Variants in ANO2 observed in about 807,000 individuals in gnomAD.
The protein encoded by ANO2 is anoctamin 2, also known as anoctamin-2.
ANO2 carries 101 observed loss-of-function variants against 124.2 expected under a neutral mutation model. The ratio of observed to expected loss-of-function variants is 0.81; its 90% CI spans 0.69 to 0.96. The LOEUF (loss-of-function observed/expected upper bound fraction) is 0.96, where lower values mean the gene tolerates loss of function less well. ANO2 is among the 40% of genes least tolerant of loss of function. The pLI is 0.00. For synonymous variants in ANO2, 486 were observed against 482.5 expected, an observed-to-expected ratio of 1.01 and a Z score of -0.09; for missense variants, 1,293 against 1,274.5, an observed-to-expected ratio of 1.01 and a Z score of -0.22.
chr12:5,820,894 C>T (rs1161070179), intron 7 of ANO2, among the ~76,000 whole-genome samples: 7 of 152,222 alleles, frequency 4.6e-5, no homozygotes, highest in Admixed American at 2.6e-4. Flanking sequence ...ACCTGGTATG[C>T]AGCCACTGAC....
intron 14 of ANO2, among the ~76,000 whole-genome samples, chr12:5,725,729 A>C (rs991673917): frequency 6.6e-6 from 1 of 152,020 alleles, no homozygotes; most frequent in Admixed American, 6.6e-5. Flanking sequence ...CTGTCCTTGC[A>C]GCCCTAAGGT....
intron 20 of ANO2, among the ~76,000 whole-genome samples, chr12:5,595,169 T>C (rs1384121096): frequency 2.6e-5 from 4 of 152,160 alleles, no homozygotes; most frequent in Non-Finnish European, 5.9e-5. Flanking sequence ...CCCTCATCTT[T>C]GTGTATCAGA....
chr12:5,894,783 C>G (rs893442329), intron 3 of ANO2, among the ~76,000 whole-genome samples: 1 of 152,160 alleles, frequency 6.6e-6, no homozygotes, highest in Non-Finnish European at 1.5e-5. Context: ...TCAGGTTTGT[C>G]AAAGACCAGA....
intron 14 of ANO2, among the ~76,000 whole-genome samples, chr12:5,725,085 C>T (rs1950382372): frequency 1.8e-5 from 2 of 111,722 alleles, no homozygotes; most frequent in Non-Finnish European, 3.6e-5. Flanking sequence ...GGTCCCTCTC[C>T]TTGTCTCCCT....
intron 10 of ANO2, among the ~76,000 whole-genome samples, chr12:5,799,026 G>C (rs1217268573): frequency 6.6e-6 from 1 of 152,218 alleles, no homozygotes; most frequent in Admixed American, 6.5e-5. Context: ...CCAGGGCCTA[G>C]TCTCTCCTCC....
At chr12:5,827,910 G>C in intron 6 of ANO2, 90 bp from the exon 7 acceptor site, 1 of 1,431,632 alleles carries the variant, frequency 7.0e-7, no homozygotes, top group African/African-American at 1.4e-5. Flanking sequence ...GCAGGGGCGG[G>C]AGGCGCCCGG....
chr12:5,752,694 T>C (rs975476808), intron 10 of ANO2, among the ~76,000 whole-genome samples: 111 of 152,346 alleles, frequency 7.3e-4, no homozygotes, highest in African/African-American at 2.5e-3. Context: ...ACTCTGTTGA[T>C]TGTTTCCTTT....
chr12:5,602,424 T>A (rs1943987374), intron 19 of ANO2, among the ~76,000 whole-genome samples: 1 of 151,782 alleles, frequency 6.6e-6, no homozygotes, highest in African/African-American at 2.4e-5. Context: ...CTAATATTTT[T>A]TGTATTTTTA....
intron 19 of ANO2, 86 bp from the exon 20 acceptor site, chr12:5,599,715 G>A (rs980780875): frequency 1.4e-5 from 20 of 1,428,360 alleles, no homozygotes; most frequent in Admixed American, 2.3e-5. Flanking sequence ...GAACACAAAA[G>A]TTTTGACACT....
chr12:5,751,245 C>G (rs1277995787), intron 10 of ANO2, among the ~76,000 whole-genome samples: 3 of 152,292 alleles, frequency 2.0e-5, no homozygotes, highest in South Asian at 2.1e-4. Context: ...AAGAATCCAG[C>G]CCCAACAGCA....
chr12:5,624,313 A>T (rs1224655143), intron 16 of ANO2, among the ~76,000 whole-genome samples: 1 of 152,184 alleles, frequency 6.6e-6, no homozygotes, highest in Admixed American at 6.5e-5. Context: ...GTATTCTGTT[A>T]TAGGCCAATC....
intron 14 of ANO2, among the ~76,000 whole-genome samples, chr12:5,666,290 C>A (rs1436078263): frequency 6.6e-6 from 1 of 152,212 alleles, no homozygotes; most frequent in Non-Finnish European, 1.5e-5. Context: ...CTTTCCCACC[C>A]ATCTTTGTTC....
At chr12:5,720,398 G>A (rs949635027) in intron 14 of ANO2, among the ~76,000 whole-genome samples, 3 of 152,176 alleles carry the variant, frequency 2.0e-5, no homozygotes, top group African/African-American at 7.2e-5. Flanking sequence ...GGAACCTGGA[G>A]GGCATGTGTG....
chr12:5,778,259 G>C (rs576198122), intron 10 of ANO2, among the ~76,000 whole-genome samples: 1 of 152,270 alleles, frequency 6.6e-6, no homozygotes, highest in Admixed American at 6.5e-5. Context: ...TATAGATGAG[G>C]ACTGAGAAAA....
chr12:5,696,339 T>C (rs984492581), intron 14 of ANO2, among the ~76,000 whole-genome samples: 4 of 152,178 alleles, frequency 2.6e-5, no homozygotes, highest in African/African-American at 9.6e-5. Flanking sequence ...AGCAAAGATG[T>C]AGCAATTCTT....
intron 3 of ANO2, among the ~76,000 whole-genome samples, chr12:5,884,261 T>C (rs1043040214): frequency 1.3e-5 from 2 of 152,166 alleles, no homozygotes; most frequent in African/African-American, 4.8e-5. Flanking sequence ...GAGGATGAAA[T>C]TACTAGCCTC....
chr12:5,698,471 G>A (rs1018871567), intron 14 of ANO2, among the ~76,000 whole-genome samples: 1 of 152,160 alleles, frequency 6.6e-6, no homozygotes, highest in Non-Finnish European at 1.5e-5. Context: ...AAGACCAAAG[G>A]TAGATAAAAC....
chr12:5,826,326 G>A (rs1014975182), intron 7 of ANO2, among the ~76,000 whole-genome samples: 4 of 152,040 alleles, frequency 2.6e-5, no homozygotes, highest in Non-Finnish European at 5.9e-5. Flanking sequence ...TTAATACTGA[G>A]TGTCGACTTG....
intron 10 of ANO2, among the ~76,000 whole-genome samples, chr12:5,791,949 T>C (rs1180534970): frequency 1.3e-5 from 2 of 152,182 alleles, no homozygotes; most frequent in African/African-American, 4.8e-5. Flanking sequence ...TTTATTTGTA[T>C]TATATTGTAA....
Sources: gnomAD v4.1 joint callset for allele counts (sites outside exome capture counted in the v4.1 genomes callset) on GRCh38, gnomAD v4.1.1 for gene constraint, MANE v1.5 for transcripts, NCBI Gene and HGNC (gene_info 2026-07-23, HGNC 2026-07-21) for gene names.